Variants in HMCN1 observed in about 807,000 individuals in gnomAD.
HMCN1 encodes the protein hemicentin-1.
HMCN1 carries 321 observed loss-of-function variants against 625.9 expected under a neutral mutation model. That is an observed-to-expected ratio of 0.51 (90% CI 0.47 to 0.56). The LOEUF (loss-of-function observed/expected upper bound fraction) is 0.56. HMCN1 is among the 20% of genes least tolerant of loss of function. The pLI is 0.00. For synonymous variants in HMCN1, 2,425 were observed against 2,417.6 expected (o/e 1.00, Z -0.09); for missense variants, 6,588 against 6,887.3 (o/e 0.96, Z 1.54).
rs1300430466 is a variant in HMCN1 at position 185,982,329 on chromosome 1, C to T, written c.2730C>T (p.Pro910=). The stretch of plus-strand genomic sequence containing the variant: ...TTGAAGGACAGCAGCTTACTTTGCC[C>T]TGTACTCTGTTAGCTGGAAATCCCA... ...NVIEGQQLTL[P]CTLLAGNPIP... is the part of the protein sequence containing the mutation. Residue 910 remains proline (P), a synonymous_variant, in exon 18 of 107, where the codon CCC becomes CCT. Transcript: ENST00000271588. 2 of 1,613,404 alleles carry T rather than the reference C, an allele frequency of 1.2e-6. No homozygotes were observed. Among genetic ancestry groups the T allele is most frequent in the Non-Finnish European group, 1.7e-6 (2 of 1,179,398 alleles).
chr1:185,954,803 C>A, intron 11 of HMCN1, among the ~76,000 whole-genome samples: 1 of 152,088 alleles, frequency 6.6e-6, no homozygotes, highest in East Asian at 1.9e-4. Flanking sequence ...CCAGACCACA[C>A]CTAACAATAT....
rs540418070 is a variant in HMCN1, at chr1:186,136,606, C to T, written c.13313-62C>T. 119 of 1,486,566 alleles carry T rather than the reference C, an allele frequency of 8.0e-5. 1 individual carries two copies. In the African/African-American group the frequency reaches 9.6e-4, roughly 12 times the overall value. 92.1% of individuals were successfully genotyped at this position (1,486,566 alleles called of 1,614,324 possible). A position where few individuals can be genotyped will look rare whatever the true frequency, so the allele number is the denominator to read the frequency against. ...TTCAAAATAATGTCGCCATATAATA[C>T]ATGATAAAAAAAAATGCTGTAACTC... On this transcript the variant is annotated intron_variant, in intron 86 of 106. Coordinates refer to ENST00000271588, the MANE Select transcript of HMCN1 (RefSeq NM_031935.3).
chr1:186,078,081 T>C, intron 54 of HMCN1, 26 bp from the exon 55 acceptor site: 1 of 1,538,926 alleles, frequency 6.5e-7, no homozygotes, highest in Non-Finnish European at 9.0e-7. Context: ...ATTAGAGGAG[T>C]AAACATAGTG....
chr1:185,833,559 G>A (rs912595015), intron 1 of HMCN1, among the ~76,000 whole-genome samples: 2 of 152,082 alleles, frequency 1.3e-5, no homozygotes, highest in Admixed American at 1.3e-4. Context: ...CTTCTTCAGA[G>A]TTTTGAACTC....
intron 10 of HMCN1, among the ~76,000 whole-genome samples, chr1:185,930,066 G>A (rs1314596693): frequency 6.6e-6 from 1 of 152,194 alleles, no homozygotes; most frequent in East Asian, 1.9e-4. Flanking sequence ...TGAACTGACT[G>A]TCATGAATTG....
intron 11 of HMCN1, among the ~76,000 whole-genome samples, chr1:185,949,843 G>A (rs1488579331): frequency 6.6e-6 from 1 of 151,892 alleles, no homozygotes. Context: ...GGAGCTTGAT[G>A]TGTAGGGAAG....
intron 1 of HMCN1, among the ~76,000 whole-genome samples, chr1:185,837,974 T>C (rs1661269736): frequency 6.6e-6 from 1 of 152,146 alleles, no homozygotes; most frequent in Admixed American, 6.5e-5. Context: ...TGCTAGTAAA[T>C]TAAGCCAGAC....
intron 71 of HMCN1, 49 bp from the exon 72 acceptor site, chr1:186,112,763 C>G: frequency 6.2e-7 from 1 of 1,606,522 alleles, no homozygotes; most frequent in Non-Finnish European, 8.5e-7. Flanking sequence ...AATATTTATT[C>G]TCTTTTCCTG....
At chr1:185,737,240 A>T (rs1653649290) in intron 1 of HMCN1, among the ~76,000 whole-genome samples, 1 of 151,722 alleles carries the variant, frequency 6.6e-6, no homozygotes, top group Non-Finnish European at 1.5e-5. Flanking sequence ...CTGCAGACTC[A>T]ACCTCCTAGG....
chr1:185,892,907 A>G lies in HMCN1; in HGVS notation c.622-16430A>G, dbSNP rs568108334. 1.1e-4 allele frequency among the ~76,000 whole-genome samples: 16 copies of G among 152,076 alleles called. No individual in the cohort carries two copies. In the East Asian group the frequency reaches 2.9e-3, roughly 28 times the overall value. On this transcript the variant is annotated intron_variant, in intron 4 of 106. Transcript: ENST00000271588. ...GGTCAATGGCGGGCGCCCCTCCCCC[A>G]GCCTCGCTGCCGCCTTGCAGTTTGA...
intron 1 of HMCN1, among the ~76,000 whole-genome samples, chr1:185,815,584 A>T (rs1178298995): frequency 6.7e-6 from 1 of 149,788 alleles, no homozygotes; most frequent in Admixed American, 6.6e-5. Context: ...TGCTGTGGGG[A>T]TAATTTTGAT....
At position 185,987,533 on chromosome 1, in the gene HMCN1, A is replaced by G. The variant is rs1223531881; in HGVS notation, c.3037A>G (p.Ile1013Val). ...KASGNPKPSV[I>V]WSKKGELIST... The stretch of plus-strand genomic sequence containing the variant: ...AAGTGGAAATCCCAAACCGTCTGTC[A>G]TCTGGTCCAAGGTAAATGATACATC... The change falls in exon 20 of 107, where the codon ATC becomes GTC. Residue 1013 changes from isoleucine (I) to valine (V), a missense_variant. Transcript: ENST00000271588. 1.9e-6 allele frequency: 3 copies of G among 1,605,694 alleles called. No homozygotes were observed. Among genetic ancestry groups the G allele is most frequent in the Non-Finnish European group, 2.6e-6 (3 of 1,172,484 alleles).
intron 46 of HMCN1, among the ~76,000 whole-genome samples, chr1:186,060,107 A>C (rs1244276921): frequency 6.6e-6 from 1 of 152,068 alleles, no homozygotes; most frequent in African/African-American, 2.4e-5. Context: ...AAAAAGGCTA[A>C]ATTCAGGTAA....
At chr1:185,861,611 A>G (rs78656909) in intron 2 of HMCN1, among the ~76,000 whole-genome samples, 4,664 of 152,284 alleles carry the variant, frequency 0.031, 260 homozygotes, top group African/African-American at 0.11. Context: ...TATCCAATAT[A>G]CCAAAATTAC....
intron 2 of HMCN1, among the ~76,000 whole-genome samples, chr1:185,864,251 G>T (rs1663044100): frequency 6.6e-6 from 1 of 152,124 alleles, no homozygotes; most frequent in Non-Finnish European, 1.5e-5. Context: ...CTATTATTTT[G>T]TGTGTTTTGG....
At position 186,173,964 on chromosome 1, in the gene HMCN1, A is replaced by G. The variant is rs192706245; in HGVS notation, c.15815-550A>G. On this transcript the variant is annotated intron_variant, in intron 102 of 106. Coordinates refer to ENST00000271588, the MANE Select transcript of HMCN1 (RefSeq NM_031935.3). ...GTTCAAACTAATACTATTACTAGAA[A>G]CTCTTTTAAAAGAAATGCTTTTCCA... 1.1e-3 allele frequency among the ~76,000 whole-genome samples: 166 copies of G among 152,282 alleles called. 2 individuals carry two copies. The highest frequency in any genetic ancestry group is 5.6e-3 in the East Asian group (29 of 5,184).
At position 185,993,232 on chromosome 1, in the gene HMCN1, C is replaced by T; in HGVS notation, c.3428C>T (p.Ser1143Leu). The T allele has an allele frequency of 6.2e-7, 1 of 1,612,956 alleles. No homozygotes were observed. Among genetic ancestry groups the T allele is most frequent in the Non-Finnish European group, 8.5e-7 (1 of 1,179,086 alleles). The part of the protein sequence containing the change: ...GSMKITETRT[S>L]DSGMYLCVAT... Reference sequence around the variant, plus strand: ...ATGAAGATCACTGAAACCCGCACTTCAGATAGTGGGATGTATCTTTGTGTT... The same window carrying T: ...ATGAAGATCACTGAAACCCGCACTTTAGATAGTGGGATGTATCTTTGTGTT... Residue 1143 changes from serine to leucine, a missense_variant, in exon 23 of 107, where the codon TCA becomes TTA. By Grantham distance (145) the Ser-to-Leu change is moderately radical. Coordinates refer to ENST00000271588, the MANE Select transcript of HMCN1 (RefSeq NM_031935.3).
chr1:185,973,736 T>A (rs2101978863), intron 15 of HMCN1, among the ~76,000 whole-genome samples: 1 of 152,190 alleles, frequency 6.6e-6, no homozygotes, highest in East Asian at 1.9e-4. Context: ...ATTTTTATCC[T>A]TTGTAAAAAG....
At position 186,070,555 on chromosome 1, in the gene HMCN1, G is replaced by T. The variant is rs182121182; in HGVS notation, c.7994-57G>T. 3.3e-5 allele frequency: 46 copies of T among 1,414,002 alleles called. 1 individual carries two copies. The Admixed American group carries it at 6.6e-4, about 20-fold the overall frequency. The allele number at this position is 1,414,002 out of a possible 1,614,324, so 87.6% of individuals were successfully genotyped here. A position where few individuals can be genotyped will look rare whatever the true frequency, so the allele number is the denominator to read the frequency against. ...AGTAATCCTCAGTGTGATTTCTGTG[G>T]TATTCCATGTATTGAAAATAACCAA... On this transcript the variant is annotated intron_variant, in intron 51 of 106. Coordinates refer to ENST00000271588, the MANE Select transcript of HMCN1 (RefSeq NM_031935.3).
Sources: gnomAD v4.1 joint callset for allele counts (sites outside exome capture counted in the v4.1 genomes callset) on GRCh38, gnomAD v4.1.1 for gene constraint, MANE v1.5 for transcripts, NCBI Gene and HGNC (gene_info 2026-07-23, HGNC 2026-07-21) for gene names.